Variants in SUPT3H observed in about 807,000 individuals in gnomAD.
The protein encoded by SUPT3H is transcription initiation protein SPT3 homolog.
A neutral mutation model predicts 44.3 loss-of-function variants in SUPT3H; 44 were observed. The observed-to-expected ratio is 0.99, with a 90% CI of 0.78 to 1.28. The LOEUF (loss-of-function observed/expected upper bound fraction) is 1.28, where lower values mean the gene tolerates loss of function less well. Ranked by LOEUF, SUPT3H falls within the 50% of genes most tolerant of loss-of-function variation. The probability of loss-of-function intolerance (pLI) is 0.00; values close to 1 mark genes in which losing one functional copy is unlikely to be tolerated. For synonymous variants in SUPT3H, 124 were observed against 125.6 expected (o/e 0.99, Z 0.09); for missense variants, 380 against 387.1 (o/e 0.98, Z 0.15).
chr6:45,126,658 A>T (rs1024382583), intron 2 of SUPT3H, among the ~76,000 whole-genome samples: 1 of 152,210 alleles, frequency 6.6e-6, no homozygotes, highest in Admixed American at 6.5e-5. Context: ...TTAGCGATGT[A>T]AGGATTAAGG....
At chr6:44,894,783 C>T (rs890880091) in intron 10 of SUPT3H, among the ~76,000 whole-genome samples, 1 of 151,190 alleles carries the variant, frequency 6.6e-6, no homozygotes, top group Non-Finnish European at 1.5e-5. Flanking sequence ...TGAGAAAACG[C>T]CCTTATAGGC....
intron 2 of SUPT3H, among the ~76,000 whole-genome samples, chr6:45,200,495 T>C (rs1297637284): frequency 1.3e-5 from 2 of 151,542 alleles, no homozygotes; most frequent in Non-Finnish European, 3.0e-5. Context: ...TAAAGCCTCA[T>C]ATTTTTTAGG....
chr6:44,938,253 A>G (rs1260338621), intron 9 of SUPT3H, among the ~76,000 whole-genome samples: 1 of 151,998 alleles, frequency 6.6e-6, no homozygotes, highest in Non-Finnish European at 1.5e-5. Flanking sequence ...ATTTTTGTAT[A>G]TGATAAGAGA....
chr6:45,146,216 C>T (rs1235936722), intron 2 of SUPT3H, among the ~76,000 whole-genome samples: 3 of 152,090 alleles, frequency 2.0e-5, no homozygotes, highest in African/African-American at 4.8e-5. Context: ...TGCTTGCACA[C>T]GCATGTTTAT....
At position 45,240,629 on chromosome 6, in the gene SUPT3H, T is replaced by C. The variant is rs187867223; in HGVS notation, c.101+124572A>G. On this transcript the variant is annotated intron_variant, in intron 2 of 10. Coordinates refer to ENST00000371459, the MANE Select transcript of SUPT3H (RefSeq NM_003599.4). ...CTGCGCAGCGATTCCTATGGAATCA[T>C]TGATTGGTCCCCTAAGGGGATGTTT... is the stretch of plus-strand genomic sequence containing the variant. Among the ~76,000 whole-genome samples, 750 of 152,390 alleles carry C rather than the reference T, an allele frequency of 4.9e-3. 28 individuals are homozygous for C. The highest frequency in any genetic ancestry group is 2.0e-3 in the Non-Finnish European group (139 of 68,046).
At chr6:45,128,557 TACACAC>T (rs1173091186) in intron 2 of SUPT3H, among the ~76,000 whole-genome samples, 1,485 of 56,476 alleles carry the variant, frequency 0.026, 92 homozygotes, top group African/African-American at 0.085. Context: ...TATATATATA[TACACAC>T]ACACACACAC....
chr6:45,024,605 C>T (rs1785664908), intron 3 of SUPT3H, among the ~76,000 whole-genome samples: 1 of 152,022 alleles, frequency 6.6e-6, no homozygotes, highest in African/African-American at 2.4e-5. Context: ...ATTTAGGCTC[C>T]AATAATTTTG....
chr6:44,810,943 A>G (rs1305852618), intron 11 of SUPT3H, among the ~76,000 whole-genome samples: 1 of 152,130 alleles, frequency 6.6e-6, no homozygotes, highest in Non-Finnish European at 1.5e-5. Flanking sequence ...ACAGTTTTAC[A>G]TTTACTGAAT....
intron 10 of SUPT3H, among the ~76,000 whole-genome samples, chr6:44,883,623 T>C (rs1285789287): frequency 1.3e-5 from 2 of 152,064 alleles, no homozygotes; most frequent in Non-Finnish European, 2.9e-5. Context: ...GTAACTATAC[T>C]ACAAGGCTAC....
At chr6:45,064,950 C>G (rs944800171) in intron 3 of SUPT3H, among the ~76,000 whole-genome samples, 6 of 149,488 alleles carry the variant, frequency 4.0e-5, no homozygotes, top group Non-Finnish European at 8.9e-5. Context: ...CAGCTCTGCA[C>G]CAAGTGGACC....
At chr6:45,099,689 C>G (rs1798279680) in intron 3 of SUPT3H, among the ~76,000 whole-genome samples, 1 of 152,046 alleles carries the variant, frequency 6.6e-6, no homozygotes, top group African/African-American at 2.4e-5. Flanking sequence ...ATAACCAGAG[C>G]TATACCAGTG....
chr6:44,892,127 T>C (rs1763400878), intron 10 of SUPT3H, among the ~76,000 whole-genome samples: 1 of 152,162 alleles, frequency 6.6e-6, no homozygotes, highest in Non-Finnish European at 1.5e-5. Flanking sequence ...AATGAAATTC[T>C]GGGAGAACTG....
chr6:45,182,464 G>C (rs1418418929), intron 2 of SUPT3H, among the ~76,000 whole-genome samples: 1 of 152,040 alleles, frequency 6.6e-6, no homozygotes. Flanking sequence ...GTTTCACCAC[G>C]CTGGCCAGGC....
chr6:45,278,331 C>A (rs1377507206), intron 2 of SUPT3H, among the ~76,000 whole-genome samples: 1 of 152,116 alleles, frequency 6.6e-6, no homozygotes, highest in African/African-American at 2.4e-5. Context: ...ATATTCAAGT[C>A]TACACAGGTC....
intron 9 of SUPT3H, among the ~76,000 whole-genome samples, chr6:44,951,108 C>T (rs1774235757): frequency 6.6e-6 from 1 of 151,958 alleles, no homozygotes; most frequent in Admixed American, 6.6e-5. Flanking sequence ...GGGTTTTTCT[C>T]CTTCTAAAAT....
intron 10 of SUPT3H, among the ~76,000 whole-genome samples, chr6:44,912,647 T>C (rs1347707204): frequency 6.6e-6 from 1 of 152,206 alleles, no homozygotes. Flanking sequence ...GCAGAGATTC[T>C]TGATTATTCC....
At chr6:45,074,703 G>A (rs1177097806) in intron 3 of SUPT3H, among the ~76,000 whole-genome samples, 3 of 152,144 alleles carry the variant, frequency 2.0e-5, no homozygotes, top group South Asian at 2.1e-4. Flanking sequence ...ACTTTCTAAA[G>A]TACAGGAAAT....
chr6:45,003,251 A>T (rs553827280), intron 6 of SUPT3H, among the ~76,000 whole-genome samples: 1 of 152,186 alleles, frequency 6.6e-6, no homozygotes, highest in Non-Finnish European at 1.5e-5. Flanking sequence ...TATAGCCAGA[A>T]GAATAGCTCT....
intron 10 of SUPT3H, among the ~76,000 whole-genome samples, chr6:44,902,187 T>C (rs1765184688): frequency 6.6e-6 from 1 of 152,154 alleles, no homozygotes; most frequent in African/African-American, 2.4e-5. Context: ...TAACCTTAAA[T>C]GTAAATGGGC....
Sources: allele counts gnomAD v4.1 joint callset (sites outside exome capture counted in the v4.1 genomes callset), GRCh38; gene constraint gnomAD v4.1.1; transcripts MANE v1.5; gene names NCBI Gene and HGNC (gene_info 2026-07-23, HGNC 2026-07-21).